Variants in LYST observed in about 807,000 individuals in gnomAD.
LYST encodes the protein lysosomal-trafficking regulator.
LYST carries 192 observed loss-of-function variants against 413.6 expected under a neutral mutation model. That is an observed-to-expected ratio of 0.46 (90% CI 0.41 to 0.52). The LOEUF is 0.52. Ranked by LOEUF, LYST falls within the 20% of genes least tolerant of loss-of-function variation. The pLI is 0.00. For missense variants in LYST, 3,815 were observed against 4,499.9 expected, an observed-to-expected ratio of 0.85 and a Z score of 4.35; for synonymous variants, 1,525 against 1,567.3, an observed-to-expected ratio of 0.97 and a Z score of 0.64.
At chr1:235,816,884 T>G (rs1182453224) in intron 3 of LYST, among the ~76,000 whole-genome samples, 1 of 152,242 alleles carries the variant, frequency 6.6e-6, no homozygotes, top group African/African-American at 2.4e-5. Flanking sequence ...CAAATGGGAC[T>G]TAATTAAAGA....
intron 1 of LYST, among the ~76,000 whole-genome samples, chr1:235,875,323 A>G (rs918492059): frequency 6.6e-6 from 1 of 152,192 alleles, no homozygotes; most frequent in Non-Finnish European, 1.5e-5. Context: ...TAACTAAGGC[A>G]TGTTCCATGT....
chr1:235,767,011 A>C (rs1668211983), intron 20 of LYST, among the ~76,000 whole-genome samples: 1 of 152,136 alleles, frequency 6.6e-6, no homozygotes, highest in South Asian at 2.1e-4. Flanking sequence ...CCACACATAA[A>C]ATATGTAGGT....
intron 3 of LYST, chr1:235,827,927 T>C (rs1318295083): frequency 4.0e-6 from 2 of 504,932 alleles, no homozygotes; most frequent in African/African-American, 4.2e-5. Flanking sequence ...CAACTGATGA[T>C]AAATAAATAA....
At chr1:235,860,284 C>G (rs904352976) in intron 1 of LYST, among the ~76,000 whole-genome samples, 3 of 152,132 alleles carry the variant, frequency 2.0e-5, no homozygotes, top group Middle Eastern at 3.2e-3. Flanking sequence ...TACAGCCTCC[C>G]CAACTATGGA....
At chr1:235,847,591 T>TA (rs138489218) in intron 1 of LYST, among the ~76,000 whole-genome samples, 9,533 of 152,218 alleles carry the variant, frequency 0.063, 991 homozygotes, top group African/African-American at 0.22. Context: ...ATGCTCCACT[T>TA]AAAAGATACA....
chr1:235,717,893 T>A (rs1450536663), intron 40 of LYST, among the ~76,000 whole-genome samples: 2 of 144,324 alleles, frequency 1.4e-5, no homozygotes, highest in Admixed American at 1.4e-4. Context: ...GCTGCCTACA[T>A]TTTTTTTTTT....
chr1:235,755,484 T>A lies in LYST; in HGVS notation c.7223A>T (p.Asp2408Val). ...GAGGGAAGAACACACTTACTCTTCATCAAGGCCAATATGTCGACCAAAGAA... is the reference window on the plus strand; with the variant it reads ...GAGGGAAGAACACACTTACTCTTCAACAAGGCCAATATGTCGACCAAAGAA... ...EMFFGRHIGL[D>V]EEFDLEDVRN... Residue 2408 changes from aspartate (D) to valine (V), a missense_variant, in exon 25 of 53, where the codon GAT (aspartate) becomes GTT (valine). Asp to Val is a radical substitution (Grantham distance 152). Coordinates refer to ENST00000389793, the MANE Select transcript of LYST (RefSeq NM_000081.4). 2 of 1,612,972 alleles carry A rather than the reference T, an allele frequency of 1.2e-6. No individual in the cohort carries two copies. The highest frequency in any genetic ancestry group is 1.7e-5 in the Admixed American group (1 of 60,012).
upstream of LYST, among the ~76,000 whole-genome samples, chr1:235,869,380 G>A (rs770230096): frequency 1.2e-4 from 19 of 152,208 alleles, no homozygotes; most frequent in Non-Finnish European, 1.5e-4. Flanking sequence ...GCTGAGGCAG[G>A]AGAATAGCGT....
At chr1:235,717,280 A>G (rs1217803691) in intron 40 of LYST, among the ~76,000 whole-genome samples, 1 of 152,228 alleles carries the variant, frequency 6.6e-6, no homozygotes, top group Non-Finnish European at 1.5e-5. Context: ...GACCAAGCTG[A>G]GATTTGGAGA....
intron 30 of LYST, 91 bp from the exon 31 acceptor site, chr1:235,741,719 A>T (rs750673749): frequency 4.3e-6 from 4 of 928,670 alleles, no homozygotes; most frequent in Non-Finnish European, 6.9e-6. Flanking sequence ...AGATTATGGA[A>T]CACGTTTTAT....
Position 235,806,250 on chromosome 1 carries a change from G to A in LYST, c.2886C>T (p.Asp962=). The change falls in exon 6 of 53, where the codon GAC becomes GAT. Residue 962 remains aspartate (D), a synonymous_variant. Coordinates refer to ENST00000389793, the MANE Select transcript of LYST (RefSeq NM_000081.4). The part of the protein sequence containing the change: ...PSPEHMHQAA[D]IWSMCRWIYM... ...AGATCCAACGACACATAGACCAAAT[G>A]TCTGCTGCTTGGTGCATATGTTCAG... 6.2e-7 allele frequency: 1 copy of A among 1,613,936 alleles called. No individual in the cohort carries two copies. The highest frequency in any genetic ancestry group is 8.5e-7 in the Non-Finnish European group (1 of 1,179,974).
chr1:235,695,094 G>A (rs1660979938), intron 46 of LYST, among the ~76,000 whole-genome samples: 1 of 152,190 alleles, frequency 6.6e-6, no homozygotes, highest in Admixed American at 6.5e-5. Flanking sequence ...AGTGTTGAGT[G>A]TATGTAGTAA....
intron 29 of LYST, 81 bp downstream of exon 29, chr1:235,746,255 G>T: frequency 7.6e-7 from 1 of 1,312,336 alleles, no homozygotes. Context: ...TTAAACATCT[G>T]AAAACCAACC....
Position 235,854,298 on chromosome 1 carries a change from T to C in LYST, c.-98+12545A>G, listed in dbSNP as rs1407905576. ...CTGAAGCACAGTAAGGTTAGGTCAT[T>C]GCTCAAAGTCACAGAGTTACTAAGT... On this transcript the variant is annotated intron_variant, in intron 1 of 52. Transcript: ENST00000389793. This position sits in a 1 kb window ranked among gnomAD's most constrained non-coding sequence, Gnocchi z 4.1. Among the ~76,000 whole-genome samples, 1 of 152,200 alleles carries C rather than the reference T, an allele frequency of 6.6e-6. No individual in the cohort carries two copies. Among genetic ancestry groups the C allele is most frequent in the Non-Finnish European group, 1.5e-5 (1 of 68,024 alleles).
At chr1:235,813,148 A>G (rs1673643103) in intron 3 of LYST, 87 bp from the exon 4 acceptor site, 1 of 787,872 alleles carries the variant, frequency 1.3e-6, no homozygotes, top group Non-Finnish European at 2.2e-6. Flanking sequence ...GAACCAAAAA[A>G]TCCTTTTTCT....
chr1:235,748,972 GT>G, intron 28 of LYST, among the ~76,000 whole-genome samples: 1 of 151,730 alleles, frequency 6.6e-6, no homozygotes, highest in African/African-American at 2.4e-5. Flanking sequence ...CATCTCAGTA[GT>G]TTTCAACAAA....
chr1:235,723,677 A>T (rs1663594709), intron 39 of LYST, among the ~76,000 whole-genome samples: 1 of 152,210 alleles, frequency 6.6e-6, no homozygotes, highest in Non-Finnish European at 1.5e-5. Flanking sequence ...TTCAAAAGAA[A>T]ACTGGAGGCA....
chr1:235,788,171 ATTTT>A (rs1223249967), intron 13 of LYST, among the ~76,000 whole-genome samples: 4 of 151,500 alleles, frequency 2.6e-5, no homozygotes, highest in Non-Finnish European at 5.9e-5. Flanking sequence ...TTATTTATTT[ATTTT>A]TTGAGACAGA....
chr1:235,666,351 C>T (rs1658467413), intron 50 of LYST, among the ~76,000 whole-genome samples: 1 of 151,034 alleles, frequency 6.6e-6, no homozygotes, highest in Non-Finnish European at 1.5e-5. Flanking sequence ...TGAAATAAGC[C>T]AGACACAAAC....
Sources: gnomAD v4.1 joint callset for allele counts (sites outside exome capture counted in the v4.1 genomes callset) on GRCh38, gnomAD v4.1.1 for gene constraint, Gnocchi (gnomAD v3.1) non-coding constraint, MANE v1.5 for transcripts, NCBI Gene and HGNC (gene_info 2026-07-23, HGNC 2026-07-21) for gene names.